COL5A1: variants seen among roughly 807,000 people sequenced by gnomAD.
COL5A1 encodes collagen alpha-1(V) chain.
In COL5A1, 16 loss-of-function variants were observed where a neutral mutation model predicts 263.7. The observed-to-expected ratio is 0.06, with a 90% CI of 0.04 to 0.09. The LOEUF (loss-of-function observed/expected upper bound fraction) is 0.09. Ranked by LOEUF, COL5A1 falls within the 10% of genes least tolerant of loss-of-function variation. COL5A1 has a pLI of 1.00. For missense variants in COL5A1, 2,036 were observed against 2,540.5 expected (o/e 0.80, Z 4.27); for synonymous variants, 1,012 against 1,004.5 (o/e 1.01, Z -0.14).
At chr9:134,838,573 C>T (rs998293836) in intron 65 of COL5A1, among the ~76,000 whole-genome samples, 1 of 152,148 alleles carries the variant, frequency 6.6e-6, no homozygotes, top group Non-Finnish European at 1.5e-5. Flanking sequence ...AAAAGGAGAC[C>T]CTGGCTCACT....
At chr9:134,727,549 A>G in intron 5 of COL5A1, 152 bp downstream of exon 5, 1 of 823,496 alleles carries the variant, frequency 1.2e-6, no homozygotes, top group Non-Finnish European at 2.0e-6. Context: ...GGGATATCTG[A>G]CTCACTTTAC....
intron 2 of COL5A1, among the ~76,000 whole-genome samples, chr9:134,693,331 A>C (rs1015244220): frequency 6.6e-6 from 1 of 152,210 alleles, no homozygotes; most frequent in Non-Finnish European, 1.5e-5. Context: ...TCTCAAACAA[A>C]ACAAAACAAA....
At chr9:134,796,721 A>T in intron 35 of COL5A1, 127 bp from the exon 36 acceptor site, 1 of 923,318 alleles carries the variant, frequency 1.1e-6, no homozygotes, top group Non-Finnish European at 1.8e-6. Flanking sequence ...GGAATAATGG[A>T]GGAAAGGCCA....
intron 1 of COL5A1, among the ~76,000 whole-genome samples, chr9:134,688,122 G>T (rs1216244910): frequency 2.0e-5 from 3 of 152,220 alleles, no homozygotes; most frequent in African/African-American, 7.2e-5. Flanking sequence ...CCAGCAGGAG[G>T]GGTGGCACTA....
chr9:134,767,112 C>A lies in COL5A1; in HGVS notation c.2187+59C>A. On this transcript the variant is annotated intron_variant, in intron 23 of 65. Coordinates refer to ENST00000371817, the MANE Select transcript of COL5A1 (RefSeq NM_000093.5). ...TCCGGCCGTGGGAGGCACACGTCTC[C>A]AGTCCGGAGCCCTGGGAGGAAGCGG... 2.5e-6 allele frequency: 4 copies of A among 1,575,100 alleles called. No homozygotes were observed. In the South Asian group the frequency reaches 3.4e-5, roughly 13 times the overall value.
chr9:134,770,340 G>C (rs974123713), intron 25 of COL5A1, among the ~76,000 whole-genome samples: 2 of 152,218 alleles, frequency 1.3e-5, no homozygotes, highest in African/African-American at 4.8e-5. Context: ...GAAATATGTT[G>C]TTGAATAAAT....
intron 4 of COL5A1, among the ~76,000 whole-genome samples, chr9:134,706,418 T>C (rs1263500286): frequency 2.0e-5 from 3 of 152,110 alleles, no homozygotes; most frequent in African/African-American, 7.2e-5. Context: ...AAACATGGCC[T>C]CAGTGGCCAG....
intron 4 of COL5A1, among the ~76,000 whole-genome samples, chr9:134,706,007 T>G (rs3124292): frequency 0.5 from 76,116 of 152,140 alleles, 19,421 homozygotes; most frequent in Admixed American, 0.64. Context: ...TCAGCAAGGT[T>G]TGGGTTCGCA....
At chr9:134,782,771 G>A (rs749394863) in intron 29 of COL5A1, 51 bp downstream of exon 29, 3 of 1,542,244 alleles carry the variant, frequency 1.9e-6, no homozygotes, top group East Asian at 4.5e-5. Context: ...GGTGGGCTTG[G>A]CCGTGTGGGA....
chr9:134,756,890 A>G, intron 17 of COL5A1, 72 bp downstream of exon 17: 1 of 1,430,394 alleles, frequency 7.0e-7, no homozygotes, highest in Non-Finnish European at 9.9e-7. Flanking sequence ...TGATGTAACC[A>G]AAATGCTGGT....
intron 26 of COL5A1, 134 bp from the exon 27 acceptor site, chr9:134,774,725 C>T (rs1049540434): frequency 1.9e-5 from 17 of 900,852 alleles, no homozygotes; most frequent in African/African-American, 1.8e-4. Flanking sequence ...CGGGGGGCCT[C>T]TCTGGAGGCT....
intron 27 of COL5A1, among the ~76,000 whole-genome samples, chr9:134,777,233 G>T (rs527435272): frequency 2.6e-5 from 4 of 152,334 alleles, no homozygotes; most frequent in East Asian, 3.9e-4. Flanking sequence ...CCCCAAATAT[G>T]AGTTCACATC....
chr9:134,656,470 C>T (rs970905910), intron 1 of COL5A1, among the ~76,000 whole-genome samples: 2 of 152,174 alleles, frequency 1.3e-5, no homozygotes, highest in African/African-American at 4.8e-5. Context: ...CTTAACCTCT[C>T]TGATCTGAGG....
intron 4 of COL5A1, among the ~76,000 whole-genome samples, chr9:134,705,328 G>A (rs926925695): frequency 6.6e-6 from 1 of 152,252 alleles, no homozygotes; most frequent in Non-Finnish European, 1.5e-5. Context: ...GTATAGACGC[G>A]GAGCCTGAGT....
At chr9:134,671,331 G>A (rs1832534130) in intron 1 of COL5A1, among the ~76,000 whole-genome samples, 2 of 152,194 alleles carry the variant, frequency 1.3e-5, no homozygotes, top group South Asian at 4.1e-4. Flanking sequence ...CCAATGTGTG[G>A]TGCATCCTTT....
rs1315722185 is a variant in COL5A1, at chr9:134,844,304, TCTCTTCAAAAGAAAAGCC to T, written c.*2002_*2019del. The T allele has an allele frequency of 6.6e-6, 1 of 152,596 alleles. No homozygotes were observed. The highest frequency in any genetic ancestry group is 1.5e-5 in the Non-Finnish European group (1 of 68,046). The allele number at this position is 152,596 out of a possible 1,614,324, so 9.5% of individuals were successfully genotyped here. Reference sequence around the variant, plus strand: ...CATGTGCCAATGACTGTCACCTTCATCTCTTCAAAAGAAAAGCCATAGCCGAGGACTGTCCCGCGACCC... The same window carrying T: ...CATGTGCCAATGACTGTCACCTTCATATAGCCGAGGACTGTCCCGCGACCC... On this transcript the variant is annotated 3_prime_UTR_variant, in exon 66 of 66. Transcript: ENST00000371817.
Position 134,765,772 on chromosome 9 carries a change from T to TCGGC in COL5A1, c.2088+40_2088+43dup, listed in dbSNP as rs572006283. 4.8e-4 allele frequency: 761 copies of TCGGC among 1,587,022 alleles called. 9 individuals are homozygous for TCGGC. In the African/African-American group the frequency reaches 8.8e-3, roughly 18 times the overall value. Reference sequence around the variant, plus strand: ...ACCGCCCTGCTTGTCTGCCCCCATCTCGGCCTTTGAGACCCCGCCTCCCAG... The same window carrying TCGGC: ...ACCGCCCTGCTTGTCTGCCCCCATCTCGGCCGGCCTTTGAGACCCCGCCTCCCAG... On this transcript the variant is annotated intron_variant, in intron 21 of 65. Transcript: ENST00000371817. The surrounding 1 kb of genome is among the most constrained non-coding windows in gnomAD (Gnocchi z 5.1).
In COL5A1 at chr9:134,842,444, C is replaced by T. The variant is rs112503631; in HGVS notation, c.*141C>T. On this transcript the variant is annotated 3_prime_UTR_variant, in exon 66 of 66. Transcript: ENST00000371817. This position sits in a 1 kb window ranked among gnomAD's most constrained non-coding sequence, Gnocchi z 5.8. ...ACCTGACTTCATCTACGCCTCGGCACCACGGGGTGTGGGACCCCAGCCCGG... is the reference window on the plus strand; with the variant it reads ...ACCTGACTTCATCTACGCCTCGGCATCACGGGGTGTGGGACCCCAGCCCGG... 5.7e-6 allele frequency: 6 copies of T among 1,045,926 alleles called. No individual in the cohort carries two copies. The highest frequency in any genetic ancestry group is 3.1e-5 in the African/African-American group (2 of 63,746). 64.8% of individuals were successfully genotyped at this position (1,045,926 alleles called of 1,614,324 possible).
chr9:134,667,420 A>T (rs1036830198), intron 1 of COL5A1, among the ~76,000 whole-genome samples: 2 of 152,162 alleles, frequency 1.3e-5, no homozygotes, highest in African/African-American at 4.8e-5. Flanking sequence ...TTGCAGTGGG[A>T]TGGGCTCTGT....
Sources: allele counts gnomAD v4.1 joint callset (sites outside exome capture counted in the v4.1 genomes callset), GRCh38; gene constraint gnomAD v4.1.1; non-coding constraint Gnocchi (gnomAD v3.1); transcripts MANE v1.5; gene names NCBI Gene and HGNC (gene_info 2026-07-23, HGNC 2026-07-21).